Variants in MATN1 observed in about 807,000 individuals in gnomAD.
MATN1 encodes matrilin 1, also known as matrilin-1.
MATN1 carries 34 observed loss-of-function variants against 41.3 expected under a neutral mutation model. The ratio of observed to expected loss-of-function variants is 0.82; its 90% confidence interval spans 0.63 to 1.10. The LOEUF is 1.10. MATN1 is among the 50% of genes least tolerant of loss of function. The probability of loss-of-function intolerance (pLI) is 0.00; values close to 1 mark genes in which losing one functional copy is unlikely to be tolerated. For missense variants in MATN1, 602 were observed against 662.4 expected, an observed-to-expected ratio of 0.91 and a Z score of 1.00; for synonymous variants, 264 against 278.7, an observed-to-expected ratio of 0.95 and a Z score of 0.53.
At chr1:30,722,274 C>G (rs896869461) in intron 1 of MATN1, among the ~76,000 whole-genome samples, 2 of 152,278 alleles carry the variant, frequency 1.3e-5, no homozygotes, top group Non-Finnish European at 2.9e-5. Context: ...AACATGGCCT[C>G]TTTCATCTGA....
chr1:30,717,645 T>TTTTG (rs1249418709), intron 3 of MATN1, among the ~76,000 whole-genome samples: 1 of 115,812 alleles, frequency 8.6e-6, no homozygotes, highest in African/African-American at 3.9e-5. Context: ...GTGTGCGGTT[T>TTTTG]TTTTTTTTGT....
chr1:30,715,064 G>C (rs937408105), intron 6 of MATN1, 93 bp downstream of exon 6: 3 of 1,501,100 alleles, frequency 2.0e-6, no homozygotes, highest in Non-Finnish European at 2.7e-6. Flanking sequence ...CTCGGCCCCT[G>C]CTTTTCCCCA....
Position 30,715,234 on chromosome 1 carries a change from G to C in MATN1, c.1283C>G (p.Ala428Gly), listed in dbSNP as rs899563592. Reference sequence around the variant, plus strand: ...GTCAGCCGTGTAGAAGTAGTGCTCTGCCACAGGCTCTGAGGCTATTTCCCT... The same window carrying C: ...GTCAGCCGTGTAGAAGTAGTGCTCTCCCACAGGCTCTGAGGCTATTTCCCT... ...ELREIASEPV[A>G]EHYFYTADFK... The change falls in exon 6 of 8, where the codon GCA becomes GGA. Residue 428 changes from alanine (A) to glycine (G), a missense_variant. Coordinates refer to ENST00000373765, the MANE Select transcript of MATN1 (RefSeq NM_002379.3). 1.2e-6 allele frequency: 2 copies of C among 1,614,214 alleles called. No homozygotes were observed. Among genetic ancestry groups the C allele is most frequent in the African/African-American group, 2.7e-5 (2 of 75,052 alleles).
At chr1:30,717,828 G>C (rs1639639530) in intron 3 of MATN1, among the ~76,000 whole-genome samples, 1 of 151,918 alleles carries the variant, frequency 6.6e-6, no homozygotes, top group South Asian at 2.1e-4. Context: ...CTAATTTTTT[G>C]TATTTTTAGT....
chr1:30,716,460 A>C, intron 4 of MATN1, 135 bp from the exon 5 acceptor site: 2 of 907,206 alleles, frequency 2.2e-6, no homozygotes, highest in Non-Finnish European at 3.3e-6. Flanking sequence ...TGCCTCTATA[A>C]AGCCAAGGTG....
chr1:30,715,314 C>T lies in MATN1; in HGVS notation c.1208-5G>A. On this transcript the variant is annotated splice_region_variant and splice_polypyrimidine_tract_variant and intron_variant, in intron 5 of 7. Transcript: ENST00000373765. ...CCACAGCAAACATCTTAAAGCCTGC[C>T]AGGAGGAACAGGAGAAGTAAGGCTG... 6.2e-7 allele frequency: 1 copy of T among 1,613,848 alleles called. No homozygotes were observed. The highest frequency in any genetic ancestry group is 8.5e-7 in the Non-Finnish European group (1 of 1,179,794).
chr1:30,717,711 G>C (rs930778650), intron 3 of MATN1, among the ~76,000 whole-genome samples: 3 of 147,232 alleles, frequency 2.0e-5, no homozygotes, highest in African/African-American at 7.7e-5. Flanking sequence ...CTGGAGTGCA[G>C]TGGCACGATC....
chr1:30,716,952 T>C (rs1639626643), intron 3 of MATN1, 37 bp from the exon 4 acceptor site: 1 of 1,592,112 alleles, frequency 6.3e-7, no homozygotes, highest in Non-Finnish European at 8.6e-7. Flanking sequence ...CTCACAGTCA[T>C]AGTGCCTTGG....
intron 5 of MATN1, 149 bp from the exon 6 acceptor site, chr1:30,715,458 A>G: frequency 2.8e-6 from 2 of 706,366 alleles, no homozygotes; most frequent in South Asian, 3.7e-5. Flanking sequence ...AACAAGGACA[A>G]TGAGAAAATC....
intron 3 of MATN1, among the ~76,000 whole-genome samples, chr1:30,718,137 T>A (rs1639643829): frequency 6.6e-6 from 1 of 151,416 alleles, no homozygotes; most frequent in African/African-American, 2.4e-5. Context: ...GCCCTGATGT[T>A]GCCGTGTAAC....
rs2124157691 is a variant in MATN1 at position 30,719,178 on chromosome 1, G to A, written c.442-221C>T. ...CTGCTTCGCCTCCCTCGGGCAGGCA[G>A]CTCTGAGATGCCCGGAGGGATGTGA... On this transcript the variant is annotated intron_variant, in intron 2 of 7. Coordinates refer to ENST00000373765, the MANE Select transcript of MATN1 (RefSeq NM_002379.3). 11 of 503,832 alleles carry A rather than the reference G, an allele frequency of 2.2e-5. No individual in the cohort carries two copies. In the South Asian group the frequency reaches 3.5e-4, roughly 16 times the overall value. 31.2% of individuals were successfully genotyped at this position (503,832 alleles called of 1,614,324 possible).
intron 3 of MATN1, 66 bp from the exon 4 acceptor site, chr1:30,716,981 C>T: frequency 3.3e-6 from 5 of 1,495,288 alleles, no homozygotes; most frequent in Non-Finnish European, 4.5e-6. Flanking sequence ...GACAGGTTGT[C>T]CCTCCCTGAC....
At chr1:30,716,434 A>G (rs575439694) in intron 4 of MATN1, 109 bp from the exon 5 acceptor site, 2 of 1,169,182 alleles carry the variant, frequency 1.7e-6, no homozygotes, top group Non-Finnish European at 2.4e-6. Flanking sequence ...GGATCATTAC[A>G]TTGTGCCCTC....
At position 30,721,577 on chromosome 1, in the gene MATN1, T is replaced by C. The variant is rs1421966125; in HGVS notation, c.269A>G (p.Lys90Arg). Residue 90 changes from lysine to arginine, a missense_variant, in exon 2 of 8, where the codon AAG becomes AGG. Physicochemically the swap from Lys to Arg is conservative, Grantham distance 26. Coordinates refer to ENST00000373765, the MANE Select transcript of MATN1 (RefSeq NM_002379.3). Reference sequence around the variant, plus strand: ...ATGAGCCCGCAGCGAGAACTCCTGCTTCACGGTGCTGGCATAGTTGACCAT... The same window carrying C: ...ATGAGCCCGCAGCGAGAACTCCTGCCTCACGGTGCTGGCATAGTTGACCAT... ...VGMVNYASTV[K>R]QEFSLRAHVS... 1 of 1,613,434 alleles carries C rather than the reference T, an allele frequency of 6.2e-7. No homozygotes were observed. Among genetic ancestry groups the C allele is most frequent in the South Asian group, 1.1e-5 (1 of 91,084 alleles).
intron 2 of MATN1, chr1:30,721,060 C>T: frequency 3.8e-6 from 1 of 264,258 alleles, no homozygotes; most frequent in South Asian, 5.6e-5. Context: ...TGAACCCAGG[C>T]AGGCTGGTGG....
rs770895153 is a variant in MATN1 at position 30,715,205 on chromosome 1, T to C, written c.1312A>G (p.Lys438Glu). The C allele has an allele frequency of 6.2e-6, 10 of 1,614,118 alleles. No individual in the cohort carries two copies. The highest frequency in any genetic ancestry group is 8.5e-6 in the Non-Finnish European group (10 of 1,180,050). ...TTCTTGCCTATCTGGTTGATGGTCT[T>C]GAAGTCAGCCGTGTAGAAGTAGTGC... ...AEHYFYTADF[K>E]TINQIGKKLQ... is the part of the protein sequence containing the mutation. Residue 438 changes from lysine (K) to glutamate (E), a missense_variant, in exon 6 of 8, where the codon AAG (lysine) becomes GAG (glutamate). By Grantham distance (56) the Lys-to-Glu change is moderately conservative. Transcript: ENST00000373765.
At chr1:30,715,423 C>T (rs1271562193) in intron 5 of MATN1, 114 bp from the exon 6 acceptor site, 3 of 964,968 alleles carry the variant, frequency 3.1e-6, no homozygotes, top group East Asian at 2.5e-5. Context: ...CTGGCAGCTG[C>T]TGGAATTGCA....
intron 1 of MATN1, among the ~76,000 whole-genome samples, chr1:30,723,234 C>A (rs1639718064): frequency 6.6e-6 from 1 of 152,186 alleles, no homozygotes; most frequent in African/African-American, 2.4e-5. Flanking sequence ...AAGGTCCCTG[C>A]CTCATGCATG....
chr1:30,721,211 C>T (rs1421959836), intron 2 of MATN1, 194 bp downstream of exon 2: 1 of 608,576 alleles, frequency 1.6e-6, no homozygotes, highest in Non-Finnish European at 2.9e-6. Flanking sequence ...GTAAAGGTGG[C>T]TTCAAATCCC....
Sources: gnomAD v4.1 joint callset for allele counts (sites outside exome capture counted in the v4.1 genomes callset) on GRCh38, gnomAD v4.1.1 for gene constraint, MANE v1.5 for transcripts, NCBI Gene and HGNC (gene_info 2026-07-23, HGNC 2026-07-21) for gene names.